CTNNA3: variants seen among roughly 807,000 people sequenced by gnomAD.
CTNNA3 encodes the protein catenin alpha-3.
In CTNNA3, 76 loss-of-function variants were observed where a neutral mutation model predicts 95.7. That is an observed-to-expected ratio of 0.79 (90% CI 0.66 to 0.96). The LOEUF (loss-of-function observed/expected upper bound fraction) is 0.96, where lower values mean the gene tolerates loss of function less well. Among genes scored for constraint, CTNNA3 ranks in the 40% least tolerant of loss-of-function variants. The pLI is 0.00. For missense variants in CTNNA3, 1,191 were observed against 1,089.8 expected, an observed-to-expected ratio of 1.09 and a Z score of -1.31; for synonymous variants, 431 against 374.4, an observed-to-expected ratio of 1.15 and a Z score of -1.74.
At chr10:67,248,137 C>T (rs1865973735) in intron 5 of CTNNA3, among the ~76,000 whole-genome samples, 1 of 152,046 alleles carries the variant, frequency 6.6e-6, no homozygotes, top group Non-Finnish European at 1.5e-5. Flanking sequence ...GCCTGGGCAA[C>T]ATGGCAAAAC....
intron 9 of CTNNA3, among the ~76,000 whole-genome samples, chr10:66,681,426 T>C (rs1401633355): frequency 2.0e-5 from 3 of 152,166 alleles, no homozygotes; most frequent in South Asian, 2.1e-4. Context: ...GGGTATATTT[T>C]AGAAAATAAA....
intron 7 of CTNNA3, among the ~76,000 whole-genome samples, chr10:66,799,300 T>C (rs187957831): frequency 4.3e-4 from 65 of 151,750 alleles, no homozygotes; most frequent in Admixed American, 3.5e-3. Flanking sequence ...TTCTAAATAA[T>C]GAAGTTAACG....
chr10:66,748,002 T>C (rs1481685936), intron 9 of CTNNA3, among the ~76,000 whole-genome samples: 1 of 152,188 alleles, frequency 6.6e-6, no homozygotes, highest in African/African-American at 2.4e-5. Flanking sequence ...CACAGCAGAA[T>C]TGACAGTGAC....
At chr10:66,375,267 A>C (rs1006513555) in intron 12 of CTNNA3, among the ~76,000 whole-genome samples, 4 of 152,118 alleles carry the variant, frequency 2.6e-5, no homozygotes, top group Admixed American at 6.5e-5. Flanking sequence ...ATTTTAGGTG[A>C]AATCAAATTC....
intron 5 of CTNNA3, among the ~76,000 whole-genome samples, chr10:67,420,617 A>G (rs923248795): frequency 2.0e-5 from 3 of 152,212 alleles, no homozygotes; most frequent in African/African-American, 2.4e-5. Flanking sequence ...TCAGTACTAC[A>G]TGAGTTAGCT....
rs578159427 is a variant in CTNNA3 at position 66,500,215 on chromosome 10, C to CA, written c.1531+20401dup. On this transcript the variant is annotated intron_variant, in intron 11 of 17. Coordinates refer to ENST00000433211, the MANE Select transcript of CTNNA3 (RefSeq NM_013266.4). ...CCATAAAAAATTCAGCTATTCAAAC[C>CA]AAAAAAAATTGATACTAGCAAATTA... Among the ~76,000 whole-genome samples the CA allele has an allele frequency of 4.7e-3, 711 of 151,230 alleles. 4 individuals are homozygous for CA. The highest frequency in any genetic ancestry group is 0.021 in the Middle Eastern group (6 of 292).
In CTNNA3 at chr10:66,838,148, T is replaced by C. The variant is rs79371930; in HGVS notation, c.1048-62624A>G. Among the ~76,000 whole-genome samples, 511 of 152,178 alleles carry C rather than the reference T, an allele frequency of 3.4e-3. 1 individual carries two copies. Among genetic ancestry groups the C allele is most frequent in the Non-Finnish European group, 5.5e-3 (373 of 68,008 alleles). On this transcript the variant is annotated intron_variant, in intron 7 of 17. Coordinates refer to ENST00000433211, the MANE Select transcript of CTNNA3 (RefSeq NM_013266.4). ...AAAACTCAAAAGTTGCAGTCTTTTGTGATGCATGATTTAATAGAATAGGAA... is the reference window on the plus strand; with the variant it reads ...AAAACTCAAAAGTTGCAGTCTTTTGCGATGCATGATTTAATAGAATAGGAA...
At chr10:67,683,928 C>T (rs1220533438) in intron 1 of CTNNA3, among the ~76,000 whole-genome samples, 4 of 152,168 alleles carry the variant, frequency 2.6e-5, no homozygotes, top group African/African-American at 4.8e-5. Context: ...GGAATGAAGC[C>T]GCAGACCCTC....
chr10:66,722,136 T>C (rs1045557330), intron 9 of CTNNA3, among the ~76,000 whole-genome samples: 1 of 152,106 alleles, frequency 6.6e-6, no homozygotes. Flanking sequence ...CCCAGCACTT[T>C]GGGAGGCTGA....
Position 66,728,478 on chromosome 10 carries a change from G to T in CTNNA3, c.1281+37786C>A, listed in dbSNP as rs1848847184. Among the ~76,000 whole-genome samples the T allele has an allele frequency of 2.0e-5, 3 of 152,098 alleles. No homozygotes were observed. In the South Asian group the frequency reaches 6.2e-4, roughly 32 times the overall value. On this transcript the variant is annotated intron_variant, in intron 9 of 17. Coordinates refer to ENST00000433211, the MANE Select transcript of CTNNA3 (RefSeq NM_013266.4). Reference sequence around the variant, plus strand: ...TTTTTGCTTTTAATGCAATTGCTTTGGGTGTTTTCATCATGAAATCTTTGC... The same window carrying T: ...TTTTTGCTTTTAATGCAATTGCTTTTGGTGTTTTCATCATGAAATCTTTGC...
intron 9 of CTNNA3, among the ~76,000 whole-genome samples, chr10:66,669,562 A>G (rs994219282): frequency 6.6e-6 from 1 of 152,134 alleles, no homozygotes; most frequent in Non-Finnish European, 1.5e-5. Context: ...AAAAAAGAAA[A>G]AGAAATCTAA....
At chr10:67,087,200 A>G (rs1228760856) in intron 7 of CTNNA3, among the ~76,000 whole-genome samples, 1 of 152,056 alleles carries the variant, frequency 6.6e-6, no homozygotes, top group Non-Finnish European at 1.5e-5. Context: ...TCAGTTAAAG[A>G]GAAACATCAC....
chr10:66,091,993 T>A (rs2133696318), intron 14 of CTNNA3, among the ~76,000 whole-genome samples: 1 of 152,010 alleles, frequency 6.6e-6, no homozygotes, highest in South Asian at 2.1e-4. Flanking sequence ...CAGTCAAAAT[T>A]AATTTCTGCT....
intron 7 of CTNNA3, among the ~76,000 whole-genome samples, chr10:67,057,234 C>T (rs1039773917): frequency 1.3e-5 from 2 of 152,002 alleles, no homozygotes; most frequent in African/African-American, 4.8e-5. Flanking sequence ...AAATGATTGC[C>T]ACAATCAATT....
chr10:66,916,348 T>C (rs35276382), intron 7 of CTNNA3, among the ~76,000 whole-genome samples: 14 of 152,006 alleles, frequency 9.2e-5, no homozygotes, highest in Non-Finnish European at 1.8e-4. Flanking sequence ...TAGCAAGAAA[T>C]TAAAATATCA....
chr10:67,408,764 C>A (rs1845242339), intron 5 of CTNNA3, among the ~76,000 whole-genome samples: 1 of 149,286 alleles, frequency 6.7e-6, no homozygotes, highest in Admixed American at 6.8e-5. Flanking sequence ...AGAGCTTCTG[C>A]ACAGCAAAAG....
chr10:66,835,557 G>T (rs1842858236), intron 7 of CTNNA3, among the ~76,000 whole-genome samples: 1 of 152,174 alleles, frequency 6.6e-6, no homozygotes, highest in Non-Finnish European at 1.5e-5. Flanking sequence ...GTTAATACTG[G>T]ATGATGAATG....
intron 5 of CTNNA3, among the ~76,000 whole-genome samples, chr10:67,256,943 G>A (rs1866373803): frequency 6.6e-6 from 1 of 152,078 alleles, no homozygotes; most frequent in Non-Finnish European, 1.5e-5. Context: ...ATTGCAAAAT[G>A]CAAACTCTGT....
chr10:67,065,428 G>A (rs1388902957), intron 7 of CTNNA3, among the ~76,000 whole-genome samples: 1 of 152,086 alleles, frequency 6.6e-6, no homozygotes, highest in Non-Finnish European at 1.5e-5. Context: ...TAAATTAGTA[G>A]ATTATTCTAA....
Sources: allele counts gnomAD v4.1 joint callset (sites outside exome capture counted in the v4.1 genomes callset), GRCh38; gene constraint gnomAD v4.1.1; transcripts MANE v1.5; gene names NCBI Gene and HGNC (gene_info 2026-07-23, HGNC 2026-07-21).